Variants in RAPGEF1 observed in about 807,000 individuals in gnomAD.
RAPGEF1 encodes the protein Rap guanine nucleotide exchange factor 1.
Under a neutral mutation model 143.3 loss-of-function variants are expected in RAPGEF1, and 33 were observed. That is an observed-to-expected ratio of 0.23 (90% CI 0.17 to 0.31). The LOEUF (loss-of-function observed/expected upper bound fraction) is 0.31, where lower values mean the gene tolerates loss of function less well. Among genes scored for constraint, RAPGEF1 ranks in the 10% least tolerant of loss-of-function variants. RAPGEF1 has a pLI of 1.00. For synonymous variants in RAPGEF1, 629 were observed against 676.5 expected (o/e 0.93, Z 1.09); for missense variants, 1,199 against 1,645.4 (o/e 0.73, Z 4.69).
chr9:131,691,279 T>C (rs1833763088), intron 1 of RAPGEF1, among the ~76,000 whole-genome samples: 1 of 152,196 alleles, frequency 6.6e-6, no homozygotes. Flanking sequence ...TTAGATCAAG[T>C]CTCTCTGACC....
intron 16 of RAPGEF1, among the ~76,000 whole-genome samples, chr9:131,597,396 A>T (rs1211843181): frequency 6.6e-6 from 1 of 152,184 alleles, no homozygotes; most frequent in Non-Finnish European, 1.5e-5. Flanking sequence ...GTGACAGCCC[A>T]AGGCGCAGAC....
chr9:131,626,159 AGCC>A lies in RAPGEF1; in HGVS notation c.1462_1464del (p.Gly488del). ...CGCTCGTAGGACACCCTGCAGCCAG[AGCC>A]GTCCGCCGTCTGGGAGGCTGCGCTC... On this transcript the variant is annotated inframe_deletion, in exon 10 of 27. Coordinates refer to ENST00000683357, the MANE Select transcript of RAPGEF1 (RefSeq NM_001377935.1). The A allele has an allele frequency of 6.2e-7, 1 of 1,613,622 alleles. No individual in the cohort carries two copies. Among genetic ancestry groups the A allele is most frequent in the East Asian group, 2.2e-5 (1 of 44,826 alleles).
Position 131,602,070 on chromosome 9 carries a change from C to T in RAPGEF1, c.2492G>A (p.Gly831Asp). Reference sequence around the variant, plus strand: ...TGGGTCCACTTCCTACCTCTCACTGCCGTCTCTGCTGTCCTTCCCAGGGAC... The same window carrying T: ...TGGGTCCACTTCCTACCTCTCACTGTCGTCTCTGCTGTCCTTCCCAGGGAC... Reference protein sequence around the residue: ...SGVPGKDSRDGSERAPKSPDA... With the variant: ...SGVPGKDSRDDSERAPKSPDA... The change falls in exon 15 of 27, where the codon GGC (glycine) becomes GAC (aspartate). Residue 831 changes from glycine to aspartate, a missense_variant. Transcript: ENST00000683357. 6.2e-7 allele frequency: 1 copy of T among 1,600,086 alleles called. No homozygotes were observed. Among genetic ancestry groups the T allele is most frequent in the Non-Finnish European group, 8.5e-7 (1 of 1,174,628 alleles).
At chr9:131,595,014 C>T (rs1160796746) in intron 17 of RAPGEF1, among the ~76,000 whole-genome samples, 2 of 152,258 alleles carry the variant, frequency 1.3e-5, no homozygotes, top group African/African-American at 4.8e-5. Flanking sequence ...GCAAGGGCTG[C>T]ACTCGGCGCT....
chr9:131,662,474 G>T (rs1974389609), intron 1 of RAPGEF1, among the ~76,000 whole-genome samples: 1 of 152,142 alleles, frequency 6.6e-6, no homozygotes, highest in South Asian at 2.1e-4. Flanking sequence ...ATGACCTCTG[G>T]GGCTCACATG....
intron 4 of RAPGEF1, among the ~76,000 whole-genome samples, chr9:131,642,941 T>C (rs1330473521): frequency 1.3e-5 from 2 of 152,196 alleles, no homozygotes; most frequent in African/African-American, 4.8e-5. Context: ...CCAGGCTCCA[T>C]GTCCGGGAGG....
At chr9:131,703,030 C>T (rs1656557355) in intron 1 of RAPGEF1, among the ~76,000 whole-genome samples, 1 of 152,206 alleles carries the variant, frequency 6.6e-6, no homozygotes, top group African/African-American at 2.4e-5. Context: ...GTCATTCACT[C>T]ATTCATTCAT....
At chr9:131,580,735 G>C (rs1235052389) in intron 25 of RAPGEF1, among the ~76,000 whole-genome samples, 1 of 152,158 alleles carries the variant, frequency 6.6e-6, no homozygotes, top group African/African-American at 2.4e-5. Context: ...CCCAAACCAG[G>C]GGGCAGGGGC....
At chr9:131,617,481 T>A (rs544431687) in intron 12 of RAPGEF1, among the ~76,000 whole-genome samples, 12 of 152,348 alleles carry the variant, frequency 7.9e-5, no homozygotes, top group Admixed American at 7.2e-4. Flanking sequence ...TGGGCACAGA[T>A]GGAAACCAGA....
intron 13 of RAPGEF1, 28 bp from the exon 14 acceptor site, chr9:131,604,081 C>T: frequency 7.8e-7 from 1 of 1,284,154 alleles, no homozygotes; most frequent in South Asian, 1.2e-5. Flanking sequence ...AGAGGAAAGA[C>T]ACATGGGCCA....
intron 1 of RAPGEF1, among the ~76,000 whole-genome samples, chr9:131,695,197 T>C (rs1834072512): frequency 6.6e-6 from 1 of 152,214 alleles, no homozygotes; most frequent in Non-Finnish European, 1.5e-5. Flanking sequence ...GTGCTTCTTC[T>C]GAGTTACCAC....
chr9:131,711,605 G>A (rs534741071), intron 1 of RAPGEF1, among the ~76,000 whole-genome samples: 5 of 152,218 alleles, frequency 3.3e-5, no homozygotes, highest in African/African-American at 1.2e-4. Flanking sequence ...TGATCCGCCC[G>A]CCTCGGCCTC....
intron 1 of RAPGEF1, among the ~76,000 whole-genome samples, chr9:131,727,537 T>C (rs1429830559): frequency 1.3e-5 from 2 of 152,162 alleles, no homozygotes; most frequent in African/African-American, 4.8e-5. Context: ...TGGTTCCCTC[T>C]TCATCACCCA....
intron 1 of RAPGEF1, chr9:131,709,802 C>A: frequency 1.3e-6 from 2 of 1,499,390 alleles, no homozygotes; most frequent in Non-Finnish European, 1.8e-6. Context: ...CACCCAGCGG[C>A]AGAACCCAGG....
At chr9:131,694,766 C>T (rs1834018279) in intron 1 of RAPGEF1, among the ~76,000 whole-genome samples, 3 of 151,260 alleles carry the variant, frequency 2.0e-5, no homozygotes, top group African/African-American at 7.3e-5. Flanking sequence ...CCTTATCCTC[C>T]TTCCTACAGC....
chr9:131,586,257 A>ACAC (rs1952745410), intron 22 of RAPGEF1, among the ~76,000 whole-genome samples: 14 of 91,422 alleles, frequency 1.5e-4, no homozygotes, highest in African/African-American at 4.5e-4. Context: ...CTCTGTCTCA[A>ACAC]ACACACACAC....
rs1037752700 is a variant in RAPGEF1 at position 131,645,701 on chromosome 9, T to C, written c.316-2284A>G. ...GCACTGGCTCGGACTGGGGACTCCA[T>C]GCCTTGGCTTTGCTGAAGCTGCCTC... On this transcript the variant is annotated intron_variant, in intron 3 of 26. Coordinates refer to ENST00000683357, the MANE Select transcript of RAPGEF1 (RefSeq NM_001377935.1). 9.2e-5 allele frequency among the ~76,000 whole-genome samples: 14 copies of C among 152,248 alleles called. No homozygotes were observed. In the South Asian group the frequency reaches 1.0e-3, roughly 11 times the overall value.
chr9:131,615,442 T>C (rs1958821622), intron 12 of RAPGEF1, among the ~76,000 whole-genome samples: 1 of 152,160 alleles, frequency 6.6e-6, no homozygotes, highest in African/African-American at 2.4e-5. Flanking sequence ...TAATGGTTAC[T>C]GAGAGATTCT....
At chr9:131,733,569 C>T (rs2131349883) in intron 1 of RAPGEF1, among the ~76,000 whole-genome samples, 1 of 152,304 alleles carries the variant, frequency 6.6e-6, no homozygotes, top group African/African-American at 2.4e-5. Context: ...TGCTGGATGA[C>T]AGATCCCTTA....
Sources: gnomAD v4.1 joint callset for allele counts (sites outside exome capture counted in the v4.1 genomes callset) on GRCh38, gnomAD v4.1.1 for gene constraint, MANE v1.5 for transcripts, NCBI Gene and HGNC (gene_info 2026-07-23, HGNC 2026-07-21) for gene names.